WDTC1: variants seen among roughly 807,000 people sequenced by gnomAD.
WDTC1 encodes the protein WD and tetratricopeptide repeats 1.
A neutral mutation model predicts 76.0 loss-of-function variants in WDTC1; 12 were observed. The observed-to-expected ratio is 0.16, with a 90% CI of 0.10 to 0.26. WDTC1 has a LOEUF of 0.26. Ranked by LOEUF, WDTC1 falls within the 10% of genes least tolerant of loss-of-function variation. The pLI, the probability that WDTC1 is intolerant of heterozygous loss-of-function variation, is 1.00. For missense variants in WDTC1, 511 were observed against 908.8 expected (o/e 0.56, Z 5.63); for synonymous variants, 326 against 350.8 (o/e 0.93, Z 0.79).
chr1:27,252,967 T>C (rs1480445212), intron 1 of WDTC1, among the ~76,000 whole-genome samples: 2 of 152,014 alleles, frequency 1.3e-5, no homozygotes, highest in Admixed American at 1.3e-4. Flanking sequence ...CAAATGAGTA[T>C]AGAGAAGGTT....
intron 1 of WDTC1, among the ~76,000 whole-genome samples, chr1:27,251,033 A>ATTTTTTTTTTTTTTT (rs71584875): frequency 3.5e-5 from 1 of 28,648 alleles, no homozygotes. Flanking sequence ...CTCCTGGCTA[A>ATTTTTTTTTTTTTTT]TTTTTTTTTT....
intron 3 of WDTC1, among the ~76,000 whole-genome samples, chr1:27,266,022 T>C (rs1448540118): frequency 6.6e-6 from 1 of 152,166 alleles, no homozygotes; most frequent in African/African-American, 2.4e-5. Flanking sequence ...AAAAGCTCTT[T>C]GGGATCCTCA....
chr1:27,281,564 G>T (rs2013191852), intron 3 of WDTC1, among the ~76,000 whole-genome samples: 1 of 151,812 alleles, frequency 6.6e-6, no homozygotes, highest in Non-Finnish European at 1.5e-5. Context: ...TGAAGGTACT[G>T]TTTCAGACAT....
intron 1 of WDTC1, among the ~76,000 whole-genome samples, chr1:27,248,961 AT>A (rs1428468050): frequency 6.6e-6 from 1 of 152,010 alleles, no homozygotes; most frequent in Non-Finnish European, 1.5e-5. Flanking sequence ...CCAGCCTTAA[AT>A]TTTTTAAAAA....
At chr1:27,295,487 C>T (rs571038027) in intron 9 of WDTC1, among the ~76,000 whole-genome samples, 72 of 150,666 alleles carry the variant, frequency 4.8e-4, no homozygotes, top group Middle Eastern at 6.9e-3. Flanking sequence ...GAGTTTCGCT[C>T]TTGTTGCCCA....
rs111846742 is a variant in WDTC1 at position 27,263,666 on chromosome 1, C to T, written c.132+431C>T. On this transcript the variant is annotated intron_variant, in intron 3 of 15. Transcript: ENST00000319394. The stretch of plus-strand genomic sequence containing the variant: ...AGCCAGGATGGTCTCGATCTCCTGA[C>T]CTCGTGATCCGCCCGCCTTGGACTC... Among the ~76,000 whole-genome samples, 8 of 152,238 alleles carry T rather than the reference C, an allele frequency of 5.3e-5. 1 individual carries two copies. The highest frequency in any genetic ancestry group is 1.9e-4 in the African/African-American group (8 of 41,542).
In WDTC1 at chr1:27,303,599, T is replaced by G. The variant is rs762954715; in HGVS notation, c.1469-22T>G. The G allele has an allele frequency of 4.5e-6, 7 of 1,569,310 alleles. No homozygotes were observed. The African/African-American group carries it at 9.7e-5, about 22-fold the overall frequency. On this transcript the variant is annotated intron_variant, in intron 13 of 15. Transcript: ENST00000319394. This position sits in a 1 kb window ranked among gnomAD's most constrained non-coding sequence, Gnocchi z 4.8. Reference sequence around the variant, plus strand: ...GAGAGAAAGGAACAAGGCGCTTACCTTTTCTGGATCTCTGCCCCCAGAGGA... The same window carrying G: ...GAGAGAAAGGAACAAGGCGCTTACCGTTTCTGGATCTCTGCCCCCAGAGGA...
In WDTC1 at chr1:27,306,458, T is replaced by A; in HGVS notation, c.*75T>A. 2.0e-6 allele frequency: 3 copies of A among 1,508,000 alleles called. No individual in the cohort carries two copies. In the South Asian group the frequency reaches 3.7e-5, roughly 19 times the overall value. The allele number at this position is 1,508,000 out of a possible 1,614,324, so 93.4% of individuals were successfully genotyped here. Reference sequence around the variant, plus strand: ...CTGGGCAGGAGGTCAGGGGATTCTGTTTTGGTTTGTCTTCCCCACCACCCT... The same window carrying A: ...CTGGGCAGGAGGTCAGGGGATTCTGATTTGGTTTGTCTTCCCCACCACCCT... On this transcript the variant is annotated 3_prime_UTR_variant, in exon 16 of 16. Transcript: ENST00000319394. The surrounding 1 kb of genome is among the most constrained non-coding windows in gnomAD (Gnocchi z 5.0).
rs568631875 is a variant in WDTC1 at position 27,295,448 on chromosome 1, C to T, written c.873+819C>T. Among the ~76,000 whole-genome samples, 10 of 151,578 alleles carry T rather than the reference C, an allele frequency of 6.6e-5. No individual in the cohort carries two copies. The East Asian group carries it at 9.7e-4, about 15-fold the overall frequency. ...CTTCTTCATCTTTTTAAACATGTGA[C>T]GTGTTTTTTGTTTTTTTTTTTTGAG... On this transcript the variant is annotated intron_variant, in intron 9 of 15. Transcript: ENST00000319394.
intron 1 of WDTC1, among the ~76,000 whole-genome samples, chr1:27,235,394 CTG>C (rs139665541): frequency 0.16 from 22,071 of 140,914 alleles, 1,879 homozygotes; most frequent in South Asian, 0.3. Context: ...CTCTCTCTTT[CTG>C]TGTGTGTGTG....
intron 12 of WDTC1, among the ~76,000 whole-genome samples, chr1:27,298,602 A>G: frequency 6.6e-6 from 1 of 152,198 alleles, no homozygotes; most frequent in Admixed American, 6.5e-5. Flanking sequence ...ACCATATCCC[A>G]GAGATCCAAA....
intron 1 of WDTC1, among the ~76,000 whole-genome samples, chr1:27,243,682 G>A (rs1057376362): frequency 1.3e-4 from 20 of 152,138 alleles, no homozygotes; most frequent in Non-Finnish European, 8.8e-5. Flanking sequence ...TTATTATGAG[G>A]AGTCTGTGAG....
At chr1:27,298,186 T>C (rs1455170234) in intron 12 of WDTC1, 75 bp downstream of exon 12, 1 of 1,474,358 alleles carries the variant, frequency 6.8e-7, no homozygotes, top group African/African-American at 1.4e-5. Context: ...AGGGGCCTGA[T>C]GGAGCCAAGT....
intron 12 of WDTC1, 63 bp downstream of exon 12, chr1:27,298,174 G>C: frequency 6.7e-7 from 1 of 1,493,126 alleles, no homozygotes; most frequent in East Asian, 2.4e-5. Context: ...GGACCAAAAG[G>C]CAGGGGCCTG....
chr1:27,285,682 G>T (rs2013311964), intron 5 of WDTC1, among the ~76,000 whole-genome samples: 1 of 150,824 alleles, frequency 6.6e-6, no homozygotes, highest in Admixed American at 6.6e-5. Context: ...ACAGTGGCAA[G>T]ATCTCGGCTC....
chr1:27,294,590 C>G lies in WDTC1; in HGVS notation c.834C>G (p.Pro278=). The change falls in exon 9 of 16, where the codon CCC becomes CCG. Residue 278 remains proline (P), a synonymous_variant. Transcript: ENST00000319394. The part of the protein sequence containing the change: ...VLVATYVTFS[P]NGTELLVNMG... ...TTGCCACCTATGTGACCTTCAGCCC[C>G]AATGGCACAGAGCTACTAGTCAACA... 2 of 1,614,114 alleles carry G rather than the reference C, an allele frequency of 1.2e-6. No homozygotes were observed. Among genetic ancestry groups the G allele is most frequent in the Non-Finnish European group, 1.7e-6 (2 of 1,180,004 alleles).
chr1:27,269,800 C>T (rs537496715), intron 3 of WDTC1, among the ~76,000 whole-genome samples: 86 of 151,504 alleles, frequency 5.7e-4, no homozygotes, highest in Middle Eastern at 3.5e-3. Context: ...TTAGTAGAGA[C>T]GACGTTTCAC....
chr1:27,265,057 A>G (rs12564253), intron 3 of WDTC1, among the ~76,000 whole-genome samples: 6 of 152,166 alleles, frequency 3.9e-5, no homozygotes, highest in South Asian at 2.1e-4. Flanking sequence ...ACCTGCCTCA[A>G]CCACCCAAAG....
chr1:27,305,262 C>A lies in WDTC1; in HGVS notation c.1836+69C>A. The A allele has an allele frequency of 6.6e-7, 1 of 1,526,018 alleles. No individual in the cohort carries two copies. The highest frequency in any genetic ancestry group is 8.8e-7 in the Non-Finnish European group (1 of 1,137,098). 94.5% of individuals were successfully genotyped at this position (1,526,018 alleles called of 1,614,324 possible). A position where few individuals can be genotyped will look rare whatever the true frequency, so the allele number is the denominator to read the frequency against. ...GGAAGGCTCCAGTGGAGCCTGCTAG[C>A]GCAGGGAAGAGAAATGAGCCACCCA... On this transcript the variant is annotated intron_variant, in intron 15 of 15. Transcript: ENST00000319394. The surrounding 1 kb of genome is among the most constrained non-coding windows in gnomAD (Gnocchi z 4.6).
Sources: gnomAD v4.1 joint callset for allele counts (sites outside exome capture counted in the v4.1 genomes callset) on GRCh38, gnomAD v4.1.1 for gene constraint, Gnocchi (gnomAD v3.1) non-coding constraint, MANE v1.5 for transcripts, NCBI Gene and HGNC (gene_info 2026-07-23, HGNC 2026-07-21) for gene names.